Variants in FERMT1 observed in about 807,000 individuals in gnomAD.
FERMT1 encodes FERM domain containing kindlin 1.
Under a neutral mutation model 85.3 loss-of-function variants are expected in FERMT1, and 60 were observed. The ratio of observed to expected loss-of-function variants is 0.70; its 90% CI spans 0.57 to 0.87. The LOEUF (loss-of-function observed/expected upper bound fraction) is 0.87, where lower values mean the gene tolerates loss of function less well. Ranked by LOEUF, FERMT1 falls within the 40% of genes least tolerant of loss-of-function variation. The pLI, the probability that FERMT1 is intolerant of heterozygous loss-of-function variation, is 0.00. For synonymous variants in FERMT1, 275 were observed against 301.1 expected (o/e 0.91, Z 0.90); for missense variants, 701 against 818.9 (o/e 0.86, Z 1.76).
In FERMT1 at chr20:6,077,233, C is replaced by G; in HGVS notation, c.1974G>C (p.Lys658Asn). 1 of 1,614,164 alleles carries G rather than the reference C, an allele frequency of 6.2e-7. No individual in the cohort carries two copies. The highest frequency in any genetic ancestry group is 1.1e-5 in the South Asian group (1 of 91,084). The change falls in exon 15 of 15, where the codon AAG (lysine) becomes AAC (asparagine). Residue 658 changes from lysine to asparagine, a missense_variant. By Grantham distance (94) the Lys-to-Asn change is moderately conservative. Coordinates refer to ENST00000217289, the MANE Select transcript of FERMT1 (RefSeq NM_017671.5). ...GGYIFLSTRS[K>N]DQNETLDEDL... ...CCTCATCGAGTGTTTCATTCTGGTC[C>G]TTGGAGCGGGTGGACAAGAAAATGT... is the stretch of plus-strand genomic sequence containing the variant.
rs181411835 is a variant in FERMT1 at position 6,088,831 on chromosome 20, C to T, written c.1264+134G>A. On this transcript the variant is annotated intron_variant, in intron 10 of 14. Transcript: ENST00000217289. ...TAGAGATGGGGTTTCACCATCTTGG[C>T]CAGGCTGGTCTCGAACTCCTGACCT... 3.5e-4 allele frequency: 269 copies of T among 776,310 alleles called. No individual in the cohort carries two copies. The African/African-American group carries it at 4.4e-3, about 13-fold the overall frequency. The allele number at this position is 776,310 out of a possible 1,614,324, so 48.1% of individuals were successfully genotyped here. A position where few individuals can be genotyped will look rare whatever the true frequency, so the allele number is the denominator to read the frequency against.
intron 10 of FERMT1, among the ~76,000 whole-genome samples, chr20:6,088,710 C>T (rs1249425967): frequency 6.6e-6 from 1 of 150,482 alleles, no homozygotes; most frequent in African/African-American, 2.5e-5. Flanking sequence ...CTCACTGCAA[C>T]CTTCACCTCT....
chr20:6,079,347 G>GAAC, intron 14 of FERMT1, 89 bp downstream of exon 14: 3 of 1,369,028 alleles, frequency 2.2e-6, no homozygotes, highest in Non-Finnish European at 2.1e-6. Context: ...CTAAATAGAA[G>GAAC]AACACCTTTT....
intron 5 of FERMT1, among the ~76,000 whole-genome samples, chr20:6,108,071 G>A (rs1408615410): frequency 6.6e-6 from 1 of 152,116 alleles, no homozygotes; most frequent in East Asian, 1.9e-4. Context: ...TTGCCATGTT[G>A]GCCAGGCTAG....
intron 4 of FERMT1, among the ~76,000 whole-genome samples, chr20:6,111,370 T>A (rs11696864): frequency 6.6e-6 from 1 of 151,906 alleles, no homozygotes; most frequent in Admixed American, 6.6e-5. Context: ...GGTGGCTCAT[T>A]CCTGTAATCC....
intron 13 of FERMT1, among the ~76,000 whole-genome samples, chr20:6,080,944 T>G (rs147989592): frequency 2.0e-5 from 3 of 152,262 alleles, no homozygotes; most frequent in African/African-American, 7.2e-5. Context: ...GTCAAAAGAA[T>G]GGCTGAACCC....
At chr20:6,119,283 G>T in intron 2 of FERMT1, 121 bp downstream of exon 2, 1 of 1,005,854 alleles carries the variant, frequency 9.9e-7, no homozygotes, top group Non-Finnish European at 1.5e-6. Flanking sequence ...GATGAGGGGT[G>T]GGGGATTGCT....
At chr20:6,122,498 C>A (rs907822460) in intron 1 of FERMT1, among the ~76,000 whole-genome samples, 2 of 152,190 alleles carry the variant, frequency 1.3e-5, no homozygotes, top group Non-Finnish European at 2.9e-5. Flanking sequence ...CTGTCTTTTG[C>A]CAGCTCTGCA....
intron 14 of FERMT1, 45 bp downstream of exon 14, chr20:6,079,391 C>G (rs1391738544): frequency 3.1e-6 from 5 of 1,605,828 alleles, no homozygotes; most frequent in Non-Finnish European, 4.3e-6. Flanking sequence ...CTGAGGGACA[C>G]ACATTTATAG....
chr20:6,116,922 A>T (rs925199197), intron 2 of FERMT1, among the ~76,000 whole-genome samples: 6 of 152,200 alleles, frequency 3.9e-5, no homozygotes, highest in African/African-American at 1.4e-4. Context: ...ATAGAAATGT[A>T]TCCTTATACC....
intron 11 of FERMT1, 34 bp from the exon 12 acceptor site, chr20:6,085,321 A>G: frequency 6.3e-7 from 1 of 1,590,432 alleles, no homozygotes; most frequent in Non-Finnish European, 8.6e-7. Context: ...AGCAAGCTCA[A>G]GTGCAAAGCC....
At chr20:6,081,974 GGCTGCTCTCCATCATCCA>G (rs1306522902) in intron 13 of FERMT1, among the ~76,000 whole-genome samples, 4 of 151,916 alleles carry the variant, frequency 2.6e-5, no homozygotes, top group Non-Finnish European at 1.5e-5. Context: ...GAGTTCCCTG[GGCTGCTCTCCATCATCCA>G]GGGAGCGGTG....
chr20:6,078,712 T>C (rs902957991), intron 14 of FERMT1, among the ~76,000 whole-genome samples: 2 of 149,666 alleles, frequency 1.3e-5, no homozygotes, highest in African/African-American at 4.9e-5. Context: ...GGTCTCGAAC[T>C]CCCAGCCTCA....
chr20:6,084,163 A>G lies in FERMT1; in HGVS notation c.1595T>C (p.Leu532Pro), dbSNP rs1245205971. The G allele has an allele frequency of 6.2e-7, 1 of 1,610,364 alleles. No individual in the cohort carries two copies. Residue 532 changes from leucine (L) to proline (P), a missense_variant and splice_region_variant, in exon 13 of 15, where the codon CTG (leucine) becomes CCG (proline). Transcript: ENST00000217289. ...RCAKRHKSKQ[L>P]AARILEAHQN... Reference sequence around the variant, plus strand: ...GTGCGCCTCCAGGATCCGGGCGGCCAGCTGAACAGAAACAGACATCAACCT... The same window carrying G: ...GTGCGCCTCCAGGATCCGGGCGGCCGGCTGAACAGAAACAGACATCAACCT...
At chr20:6,083,659 C>CT (rs1568653883) in intron 13 of FERMT1, among the ~76,000 whole-genome samples, 1 of 125,692 alleles carries the variant, frequency 8.0e-6, no homozygotes, top group African/African-American at 3.1e-5. Context: ...TGAGACACCC[C>CT]CCCCCCCGGC....
At chr20:6,094,793 CA>C (rs1982457784) in intron 9 of FERMT1, 145 bp downstream of exon 9, 1 of 676,712 alleles carries the variant, frequency 1.5e-6, no homozygotes, top group Non-Finnish European at 2.8e-6. Flanking sequence ...AGCTACGACT[CA>C]ACCCATTGTT....
At chr20:6,096,531 C>T (rs2123117522) in intron 8 of FERMT1, among the ~76,000 whole-genome samples, 1 of 152,236 alleles carries the variant, frequency 6.6e-6, no homozygotes, top group East Asian at 1.9e-4. Context: ...TTTCTTTATT[C>T]TATTCTCACA....
chr20:6,114,468 T>C (rs940327384), intron 3 of FERMT1, among the ~76,000 whole-genome samples: 1 of 152,224 alleles, frequency 6.6e-6, no homozygotes, highest in Non-Finnish European at 1.5e-5. Context: ...TTGAAAACTT[T>C]ACATTTTTGG....
intron 10 of FERMT1, among the ~76,000 whole-genome samples, chr20:6,088,398 T>C (rs1982245431): frequency 6.6e-6 from 1 of 152,186 alleles, no homozygotes; most frequent in Non-Finnish European, 1.5e-5. Flanking sequence ...TGCTATACTC[T>C]TGGACATGAA....
Sources: gnomAD v4.1 joint callset for allele counts (sites outside exome capture counted in the v4.1 genomes callset) on GRCh38, gnomAD v4.1.1 for gene constraint, MANE v1.5 for transcripts, NCBI Gene and HGNC (gene_info 2026-07-23, HGNC 2026-07-21) for gene names.